MAF: variants seen among roughly 807,000 people sequenced by gnomAD.
MAF encodes the protein transcription factor Maf.
In MAF, 10 loss-of-function variants were observed where a neutral mutation model predicts 22.0. The observed-to-expected ratio is 0.45, with a 90% confidence interval of 0.28 to 0.77. The LOEUF is 0.77. MAF is among the 30% of genes least tolerant of loss of function. The probability of loss-of-function intolerance (pLI) is 0.12; values close to 1 mark genes in which losing one functional copy is unlikely to be tolerated. For missense variants in MAF, 544 were observed against 548.4 expected (o/e 0.99, Z 0.08); for synonymous variants, 337 against 255.8 (o/e 1.32, Z -3.03).
At chr16:79,594,888 G>T in intron 1 of MAF, 1 of 1,202,614 alleles carries the variant, frequency 8.3e-7, no homozygotes, top group Non-Finnish European at 1.0e-6. Flanking sequence ...GCCCAAACCT[G>T]CTTATTATAT....
At chr16:79,554,367 C>T in the MAF span, among the ~76,000 whole-genome samples, 1 of 152,114 alleles carries the variant, frequency 6.6e-6, no homozygotes, top group Non-Finnish European at 1.5e-5. Flanking sequence ...CCTAATCTCC[C>T]AGATCCTCAT....
the MAF span, among the ~76,000 whole-genome samples, chr16:79,375,833 A>G: frequency 6.6e-6 from 1 of 152,170 alleles, no homozygotes; most frequent in Non-Finnish European, 1.5e-5. Context: ...TGTGGTTCCC[A>G]GCCTCTGAAC....
chr16:79,316,602 T>C, the MAF span, among the ~76,000 whole-genome samples: 1 of 152,172 alleles, frequency 6.6e-6, no homozygotes, highest in Non-Finnish European at 1.5e-5. Flanking sequence ...CACCAGTCAC[T>C]CCCCTTGAGT....
the MAF span, among the ~76,000 whole-genome samples, chr16:79,462,519 A>T: frequency 6.6e-5 from 10 of 152,136 alleles, no homozygotes; most frequent in African/African-American, 1.9e-4. Context: ...TTCTTTCTGG[A>T]CTCACCTCTT....
chr16:79,368,063 G>C, the MAF span, among the ~76,000 whole-genome samples: 2 of 152,196 alleles, frequency 1.3e-5, no homozygotes, highest in African/African-American at 4.8e-5. Context: ...CCTGCTCAGA[G>C]GCTAGAGGCT....
At chr16:79,472,871 G>C in the MAF span, among the ~76,000 whole-genome samples, 2 of 152,022 alleles carry the variant, frequency 1.3e-5, no homozygotes. Context: ...CAGTAAAAGA[G>C]CATGAGTTCC....
the MAF span, among the ~76,000 whole-genome samples, chr16:79,414,192 C>A: frequency 6.6e-6 from 1 of 152,132 alleles, no homozygotes; most frequent in Non-Finnish European, 1.5e-5. Context: ...GTGTCTTGGT[C>A]CATTTTGTGT....
chr16:79,362,114 T>C, the MAF span, among the ~76,000 whole-genome samples: 1 of 152,206 alleles, frequency 6.6e-6, no homozygotes, highest in South Asian at 2.1e-4. Flanking sequence ...CTCAGTTTCC[T>C]TAATCTTCAA....
chr16:79,444,150 G>T, the MAF span, among the ~76,000 whole-genome samples: 212 of 151,998 alleles, frequency 1.4e-3, 1 homozygote, highest in African/African-American at 4.6e-3. Flanking sequence ...ATGAAAATAT[G>T]TATTATAGTA....
At chr16:79,211,054 T>TGTGTGTGTGTGC in the MAF span, among the ~76,000 whole-genome samples, 1 of 151,954 alleles carries the variant, frequency 6.6e-6, no homozygotes, top group Non-Finnish European at 1.5e-5. Context: ...TGTGTGTGTG[T>TGTGTGTGTGTGC]GTGCATTAAA....
At chr16:79,208,634 T>TTTG in the MAF span, among the ~76,000 whole-genome samples, 2 of 151,664 alleles carry the variant, frequency 1.3e-5, no homozygotes, top group Non-Finnish European at 2.9e-5. Flanking sequence ...TCTTTAAATT[T>TTTG]TTTTTTTAAT....
At chr16:79,434,480 G>A in the MAF span, among the ~76,000 whole-genome samples, 3 of 152,148 alleles carry the variant, frequency 2.0e-5, no homozygotes, top group Admixed American at 1.3e-4. Flanking sequence ...CTTGGGGGCT[G>A]CTACAAGCCA....
chr16:79,553,733 G>T, the MAF span, among the ~76,000 whole-genome samples: 12 of 152,222 alleles, frequency 7.9e-5, no homozygotes, highest in South Asian at 2.5e-3. Context: ...AAACATCACG[G>T]TTCTACAGTT....
chr16:79,209,628 A>G, the MAF span, among the ~76,000 whole-genome samples: 1 of 152,220 alleles, frequency 6.6e-6, no homozygotes, highest in African/African-American at 2.4e-5. Context: ...AAATGAAAAT[A>G]TATGACAGAT....
chr16:79,265,853 T>G, the MAF span, among the ~76,000 whole-genome samples: 1 of 152,198 alleles, frequency 6.6e-6, no homozygotes, highest in Non-Finnish European at 1.5e-5. Flanking sequence ...AAATAAGGGT[T>G]ACTTGAACAT....
chr16:79,365,348 C>G, the MAF span, among the ~76,000 whole-genome samples: 3 of 152,154 alleles, frequency 2.0e-5, no homozygotes, highest in Non-Finnish European at 4.4e-5. Context: ...TGTGTGTTTA[C>G]CAGACTGATG....
At chr16:79,475,819 G>C in the MAF span, among the ~76,000 whole-genome samples, 4 of 152,166 alleles carry the variant, frequency 2.6e-5, no homozygotes, top group East Asian at 3.8e-4. Flanking sequence ...ATGAGGGTTT[G>C]TTACACTTGT....
chr16:79,287,598 T>C, the MAF span, among the ~76,000 whole-genome samples: 40 of 152,362 alleles, frequency 2.6e-4, no homozygotes, highest in Admixed American at 1.0e-3. Context: ...TGTTATTTTT[T>C]GGTTTGCCTG....
chr16:79,252,905 G>A, the MAF span, among the ~76,000 whole-genome samples: 5 of 152,324 alleles, frequency 3.3e-5, no homozygotes, highest in Non-Finnish European at 7.3e-5. Context: ...AAATCTACAA[G>A]CAGCAGGGAT....
Sources: allele counts gnomAD v4.1 joint callset (sites outside exome capture counted in the v4.1 genomes callset), GRCh38; gene constraint gnomAD v4.1.1; transcripts MANE v1.5; gene names NCBI Gene and HGNC (gene_info 2026-07-23, HGNC 2026-07-21).